ZNF462: variants seen among roughly 807,000 people sequenced by gnomAD.
ZNF462 encodes zinc finger PBX1-interacting protein.
ZNF462 carries 10 observed loss-of-function variants against 201.9 expected under a neutral mutation model. The ratio of observed to expected loss-of-function variants is 0.05; its 90% CI spans 0.03 to 0.08. The LOEUF is 0.08. ZNF462 is among the 10% of genes least tolerant of loss of function. The probability of loss-of-function intolerance (pLI) is 1.00; values close to 1 mark genes in which losing one functional copy is unlikely to be tolerated. For synonymous variants in ZNF462, 1,227 were observed against 1,193.3 expected (o/e 1.03, Z -0.58); for missense variants, 2,523 against 3,168.3 (o/e 0.80, Z 4.89).
In ZNF462 at chr9:106,870,445, T is replaced by G. The variant is rs1384299234; in HGVS notation, c.-31+7090T>G. On this transcript the variant is annotated intron_variant, in intron 1 of 12. Coordinates refer to ENST00000277225, the MANE Select transcript of ZNF462 (RefSeq NM_021224.6). This position sits in a 1 kb window ranked among gnomAD's most constrained non-coding sequence, Gnocchi z 4.3. ...TGTCCACATCTTACCCCCAACCTTA[T>G]TCAAAGAGTAGACCCTGTTCTTTAG... is the stretch of plus-strand genomic sequence containing the variant. Among the ~76,000 whole-genome samples, 1 of 152,198 alleles carries G rather than the reference T, an allele frequency of 6.6e-6. No homozygotes were observed. The highest frequency in any genetic ancestry group is 1.5e-5 in the Non-Finnish European group (1 of 68,028).
chr9:106,874,523 G>A (rs146483565), intron 1 of ZNF462, among the ~76,000 whole-genome samples: 2 of 152,128 alleles, frequency 1.3e-5, no homozygotes, highest in Non-Finnish European at 2.9e-5. Context: ...GTTCTAAGGA[G>A]GTAAACGTAG....
Position 107,009,364 on chromosome 9 carries a change from G to C in ZNF462, c.7190-181G>C. 1 of 724,166 alleles carries C rather than the reference G, an allele frequency of 1.4e-6. No homozygotes were observed. Among genetic ancestry groups the C allele is most frequent in the South Asian group, 2.6e-5 (1 of 39,048 alleles). 44.9% of individuals were successfully genotyped at this position (724,166 alleles called of 1,614,324 possible). ...GGCCCAAGAACCAGAAACAGTTCTC[G>C]AATGCTATTCAAGGAATGCCCTAAG... On this transcript the variant is annotated intron_variant, in intron 11 of 12. Coordinates refer to ENST00000277225, the MANE Select transcript of ZNF462 (RefSeq NM_021224.6). This position sits in a 1 kb window ranked among gnomAD's most constrained non-coding sequence, Gnocchi z 6.1.
At chr9:106,956,166 C>T (rs1831564575) in intron 7 of ZNF462, among the ~76,000 whole-genome samples, 2 of 152,108 alleles carry the variant, frequency 1.3e-5, no homozygotes, top group South Asian at 4.1e-4. Context: ...ATCCTTATTA[C>T]CTGTATTTCT....
At position 106,938,411 on chromosome 9, in the gene ZNF462, G is replaced by A. The variant is rs1012041884; in HGVS notation, c.6236-505G>A. The stretch of plus-strand genomic sequence containing the variant: ...TGTGGGATGAGAATGTGTATAGTTA[G>A]CAAGGAAGTACAGAATAGAATAGCA... On this transcript the variant is annotated intron_variant, in intron 6 of 12. Transcript: ENST00000277225. This position sits in a 1 kb window ranked among gnomAD's most constrained non-coding sequence, Gnocchi z 4.4. Among the ~76,000 whole-genome samples the A allele has an allele frequency of 3.3e-5, 5 of 152,200 alleles. No homozygotes were observed. The highest frequency in any genetic ancestry group is 1.3e-4 in the Admixed American group (2 of 15,282).
chr9:106,924,441 A>G lies in ZNF462; in HGVS notation c.529A>G (p.Ile177Val). 6.2e-7 allele frequency: 1 copy of G among 1,614,220 alleles called. No homozygotes were observed. Among genetic ancestry groups the G allele is most frequent in the African/African-American group, 1.3e-5 (1 of 75,066 alleles). ...CTYKSPRRAR[I>V]IKHQKMYHKN... Reference sequence around the variant, plus strand: ...ATACAAGTCACCAAGAAGGGCAAGAATAATTAAGCATCAGAAGATGTATCA... The same window carrying G: ...ATACAAGTCACCAAGAAGGGCAAGAGTAATTAAGCATCAGAAGATGTATCA... Residue 177 changes from isoleucine (I) to valine (V), a missense_variant, in exon 3 of 13, where the codon ATA becomes GTA. Transcript: ENST00000277225. This position sits in a 1 kb window ranked among gnomAD's most constrained non-coding sequence, Gnocchi z 6.2.
Position 106,968,340 on chromosome 9 carries a change from A to C in ZNF462, c.6428-3665A>C, listed in dbSNP as rs1001241665. ...TCTAAATCCTATAGGCACTGTGACC[A>C]TCATTGCTAAAATTCTAATTTGATC... is the stretch of plus-strand genomic sequence containing the variant. On this transcript the variant is annotated intron_variant, in intron 7 of 12. Coordinates refer to ENST00000277225, the MANE Select transcript of ZNF462 (RefSeq NM_021224.6). The surrounding 1 kb of genome is among the most constrained non-coding windows in gnomAD (Gnocchi z 4.0). Among the ~76,000 whole-genome samples, 1 of 152,218 alleles carries C rather than the reference A, an allele frequency of 6.6e-6. No individual in the cohort carries two copies. The highest frequency in any genetic ancestry group is 2.4e-5 in the African/African-American group (1 of 41,462).
chr9:106,916,886 G>A (rs927750293), intron 1 of ZNF462, among the ~76,000 whole-genome samples: 46 of 152,180 alleles, frequency 3.0e-4, no homozygotes, highest in African/African-American at 1.1e-3. Context: ...ATTATCCAGT[G>A]AACTGCAAGT....
In ZNF462 at chr9:106,935,604, T is replaced by C. The variant is rs1322341802; in HGVS notation, c.6218T>C (p.Ile2073Thr). 5.0e-6 allele frequency: 8 copies of C among 1,613,672 alleles called. No individual in the cohort carries two copies. Among genetic ancestry groups the C allele is most frequent in the Admixed American group, 1.7e-5 (1 of 60,004 alleles). ...SSYNSRLKTHILKAHAGEHAY... is the reference protein window; with the variant it reads ...SSYNSRLKTHTLKAHAGEHAY... ...TATAACAGCCGGCTGAAAACACATA[T>C]ACTCAAAGCTCATGCTGGTGAGTTG... Residue 2073 changes from isoleucine (I) to threonine (T), a missense_variant, in exon 6 of 13, where the codon ATA becomes ACA. Physicochemically the swap from Ile to Thr is moderately conservative, Grantham distance 89 (BLOSUM62 -1). Transcript: ENST00000277225. This position sits in a 1 kb window ranked among gnomAD's most constrained non-coding sequence, Gnocchi z 4.1.
chr9:106,887,474 A>T (rs533511373), intron 1 of ZNF462, among the ~76,000 whole-genome samples: 1 of 152,332 alleles, frequency 6.6e-6, no homozygotes, highest in Admixed American at 6.5e-5. Flanking sequence ...ATTCCAAGAT[A>T]CTTCCTGACA....
At chr9:106,910,814 T>C (rs972573434) in intron 1 of ZNF462, among the ~76,000 whole-genome samples, 1 of 152,210 alleles carries the variant, frequency 6.6e-6, no homozygotes, top group African/African-American at 2.4e-5. Context: ...TATCCTTCTT[T>C]TGAGAGATTT....
At chr9:106,994,436 A>C (rs1307261147) in intron 10 of ZNF462, among the ~76,000 whole-genome samples, 1 of 152,136 alleles carries the variant, frequency 6.6e-6, no homozygotes, top group East Asian at 1.9e-4. Context: ...TTCTCCAAAG[A>C]TTCTTCCCAA....
intron 1 of ZNF462, among the ~76,000 whole-genome samples, chr9:106,867,226 A>G (rs542828186): frequency 4.3e-4 from 66 of 152,338 alleles, no homozygotes; most frequent in African/African-American, 1.5e-3. Context: ...AGACATACCC[A>G]TTTGAATTAA....
rs1164328259 is a variant in ZNF462, at chr9:106,876,807, G to A, written c.-31+13452G>A. ...ATCATTCTGGCAAAAATGATATGTC[G>A]AAGAAAATTGTCCTTATTGCAGAGA... On this transcript the variant is annotated intron_variant, in intron 1 of 12. Coordinates refer to ENST00000277225, the MANE Select transcript of ZNF462 (RefSeq NM_021224.6). This position sits in a 1 kb window ranked among gnomAD's most constrained non-coding sequence, Gnocchi z 4.9. Among the ~76,000 whole-genome samples the A allele has an allele frequency of 2.6e-5, 4 of 152,098 alleles. No individual in the cohort carries two copies. Among genetic ancestry groups the A allele is most frequent in the South Asian group, 2.1e-4 (1 of 4,820 alleles).
Position 107,012,745 on chromosome 9 carries a change from T to TGG in ZNF462, c.*1717_*1718dup, listed in dbSNP as rs1829997845. 3.7e-5 allele frequency: 1 copy of TGG among 26,934 alleles called. No homozygotes were observed. Among genetic ancestry groups the TGG allele is most frequent in the Admixed American group, 5.2e-4 (1 of 1,908 alleles). 1.7% of individuals were successfully genotyped at this position (26,934 alleles called of 1,614,324 possible). ...TTTTTTTTTTTACTTGGAAGGGTTGTGGGAGGGTGGGAGGGAAGAAAGGGA... is the reference window on the plus strand; with the variant it reads ...TTTTTTTTTTTACTTGGAAGGGTTGTGGGGGAGGGTGGGAGGGAAGAAAGGGA... On this transcript the variant is annotated 3_prime_UTR_variant, in exon 13 of 13. Transcript: ENST00000277225.
rs969421931 is a variant in ZNF462 at position 107,010,498 on chromosome 9, C to T, written c.7314-325C>T. Among the ~76,000 whole-genome samples the T allele has an allele frequency of 2.6e-5, 4 of 152,130 alleles. No homozygotes were observed. Among genetic ancestry groups the T allele is most frequent in the Admixed American group, 2.0e-4 (3 of 15,264 alleles). On this transcript the variant is annotated intron_variant, in intron 12 of 12. Coordinates refer to ENST00000277225, the MANE Select transcript of ZNF462 (RefSeq NM_021224.6). The surrounding 1 kb of genome is among the most constrained non-coding windows in gnomAD (Gnocchi z 4.6). ...AGCATAAGACAATTCTTGCTGTTAC[C>T]ACTTATGACCCAGTAGAGAAAGTGA...
chr9:106,907,168 G>A (rs1352053785), intron 1 of ZNF462, among the ~76,000 whole-genome samples: 1 of 152,030 alleles, frequency 6.6e-6, no homozygotes, highest in Non-Finnish European at 1.5e-5. Flanking sequence ...AGGGATATTT[G>A]TTTAATGAGC....
chr9:106,936,085 A>C (rs1830619090), intron 6 of ZNF462, among the ~76,000 whole-genome samples: 1 of 152,272 alleles, frequency 6.6e-6, no homozygotes, highest in South Asian at 2.1e-4. Context: ...CGTACATAAG[A>C]CAGAAATGAC....
At position 106,984,877 on chromosome 9, in the gene ZNF462, G is replaced by A. The variant is rs1827714681; in HGVS notation, c.7056+468G>A. 6.6e-6 allele frequency among the ~76,000 whole-genome samples: 1 copy of A among 152,138 alleles called. No homozygotes were observed. The highest frequency in any genetic ancestry group is 1.5e-5 in the Non-Finnish European group (1 of 68,014). On this transcript the variant is annotated intron_variant, in intron 10 of 12. Transcript: ENST00000277225. The surrounding 1 kb of genome is among the most constrained non-coding windows in gnomAD (Gnocchi z 6.4). ...TGCAGGCCTAAAATGTAGTCTTTGT[G>A]GCAATTAAGAAAGCAGCCATGCTGG...
At chr9:106,894,237 C>T (rs1018194472) in intron 1 of ZNF462, among the ~76,000 whole-genome samples, 7 of 152,218 alleles carry the variant, frequency 4.6e-5, no homozygotes, top group Non-Finnish European at 1.0e-4. Flanking sequence ...GGCCGAGGTT[C>T]AAAACAACCC....
Sources: gnomAD v4.1 joint callset for allele counts (sites outside exome capture counted in the v4.1 genomes callset) on GRCh38, gnomAD v4.1.1 for gene constraint, Gnocchi (gnomAD v3.1) non-coding constraint, MANE v1.5 for transcripts, NCBI Gene and HGNC (gene_info 2026-07-23, HGNC 2026-07-21) for gene names.